Variants in LIMD1 observed in about 807,000 individuals in gnomAD.
LIMD1 encodes the protein LIM domain-containing protein 1.
LIMD1 carries 23 observed loss-of-function variants against 58.4 expected under a neutral mutation model. The ratio of observed to expected loss-of-function variants is 0.39; its 90% CI spans 0.28 to 0.56. The LOEUF (loss-of-function observed/expected upper bound fraction) is 0.56, where lower values mean the gene tolerates loss of function less well. Among genes scored for constraint, LIMD1 ranks in the 20% least tolerant of loss-of-function variants. LIMD1 has a pLI of 0.57. For synonymous variants in LIMD1, 334 were observed against 345.5 expected (o/e 0.97, Z 0.37); for missense variants, 838 against 855.5 (o/e 0.98, Z 0.25).
At chr3:45,654,099 A>G (rs931300881) in intron 2 of LIMD1, among the ~76,000 whole-genome samples, 3 of 152,192 alleles carry the variant, frequency 2.0e-5, no homozygotes, top group Admixed American at 2.0e-4. Flanking sequence ...ATGTTATCTT[A>G]ATTGATTTAA....
At chr3:45,634,597 A>G (rs369937077) in intron 1 of LIMD1, among the ~76,000 whole-genome samples, 2 of 152,224 alleles carry the variant, frequency 1.3e-5, no homozygotes, top group East Asian at 1.9e-4. Flanking sequence ...TACTTTGCAC[A>G]TATTCTCTTA....
At chr3:45,615,205 G>A (rs1237373793) in intron 1 of LIMD1, among the ~76,000 whole-genome samples, 2 of 152,164 alleles carry the variant, frequency 1.3e-5, no homozygotes, top group Admixed American at 6.5e-5. Flanking sequence ...AGGCATTTGT[G>A]GGAAAGTAAC....
At chr3:45,653,842 G>A (rs561137813) in intron 2 of LIMD1, among the ~76,000 whole-genome samples, 5 of 149,786 alleles carry the variant, frequency 3.3e-5, no homozygotes, top group Non-Finnish European at 4.4e-5. Context: ...TCCAGAAGGC[G>A]GAGGTTGCTG....
intron 1 of LIMD1, among the ~76,000 whole-genome samples, chr3:45,605,493 A>G (rs1473584346): frequency 1.3e-5 from 2 of 152,246 alleles, no homozygotes; most frequent in Non-Finnish European, 2.9e-5. Context: ...GTCTGCAGAA[A>G]GTATCCAGTA....
At chr3:45,616,755 G>T in intron 1 of LIMD1, among the ~76,000 whole-genome samples, 1 of 151,260 alleles carries the variant, frequency 6.6e-6, no homozygotes, top group South Asian at 2.1e-4. Flanking sequence ...ATATGAGAAA[G>T]TCTTTTTTTT....
intron 2 of LIMD1, among the ~76,000 whole-genome samples, 172 bp downstream of exon 2, chr3:45,636,423 G>A (rs955614414): frequency 1.3e-5 from 2 of 152,188 alleles, no homozygotes; most frequent in Non-Finnish European, 2.9e-5. Flanking sequence ...ACCAACAGAA[G>A]CCCATCAGGG....
chr3:45,657,179 C>T (rs1369246344), intron 2 of LIMD1, among the ~76,000 whole-genome samples: 1 of 152,162 alleles, frequency 6.6e-6, no homozygotes, highest in African/African-American at 2.4e-5. Context: ...TACCTGGCCT[C>T]AGCCTCCTCT....
intron 2 of LIMD1, among the ~76,000 whole-genome samples, chr3:45,643,902 C>T (rs74588944): frequency 2.2e-4 from 34 of 151,978 alleles, no homozygotes; most frequent in Admixed American, 3.9e-4. Context: ...TTGTATTGCT[C>T]GGTGTAAGAT....
At chr3:45,632,455 T>C in intron 1 of LIMD1, 2 of 936,648 alleles carry the variant, frequency 2.1e-6, no homozygotes, top group Non-Finnish European at 2.5e-6. Context: ...ACTCTGTCTG[T>C]GGCTGGGGGT....
intron 2 of LIMD1, among the ~76,000 whole-genome samples, chr3:45,646,270 C>T (rs1429563579): frequency 6.6e-6 from 1 of 152,224 alleles, no homozygotes. Context: ...TGGCCTTCAC[C>T]CCTCACTGTG....
chr3:45,595,083 G>C lies in LIMD1; in HGVS notation c.204G>C (p.Glu68Asp). 1 of 1,613,462 alleles carries C rather than the reference G, an allele frequency of 6.2e-7. No homozygotes were observed. The highest frequency in any genetic ancestry group is 8.5e-7 in the Non-Finnish European group (1 of 1,179,912). The part of the protein sequence containing the change: ...QQQQQQLLQE[E>D]TLPRGSRGPV... ...AGCAGCAGCAGCTCCTGCAGGAGGA[G>C]ACTCTGCCCAGGGGGAGTAGAGGCC... The change falls in exon 1 of 8, where the codon GAG becomes GAC. Residue 68 changes from glutamate (E) to aspartate (D), a missense_variant. This residue lies in a region of LIMD1 where 659 missense variants were observed against 639.8 expected (regional missense o/e 1.03). Transcript: ENST00000273317.
intron 1 of LIMD1, among the ~76,000 whole-genome samples, chr3:45,624,972 G>A (rs913690899): frequency 6.6e-6 from 1 of 151,334 alleles, no homozygotes; most frequent in African/African-American, 2.4e-5. Context: ...CTTTGGGTGT[G>A]CAGAAGATGA....
intron 2 of LIMD1, among the ~76,000 whole-genome samples, chr3:45,662,300 TGC>T (rs1009638985): frequency 2.0e-5 from 3 of 151,520 alleles, no homozygotes; most frequent in South Asian, 2.1e-4. Context: ...TGTGTGTGTG[TGC>T]GCGTGTAAAA....
intron 1 of LIMD1, among the ~76,000 whole-genome samples, chr3:45,597,126 C>T (rs949157758): frequency 5.9e-5 from 9 of 152,058 alleles, no homozygotes; most frequent in African/African-American, 1.2e-4. Context: ...TCCCAAAGTG[C>T]TGGGATTACA....
rs1256905766 is a variant in LIMD1 at position 45,684,394 on chromosome 3, T to C, written c.*7335T>C. ...CGGCAGGAAGCCAGACTCCATGACATACAAATAGATCAAAGTGAATCGGCT... is the reference window on the plus strand; with the variant it reads ...CGGCAGGAAGCCAGACTCCATGACACACAAATAGATCAAAGTGAATCGGCT... On this transcript the variant is annotated 3_prime_UTR_variant, in exon 8 of 8. Transcript: ENST00000273317. 2 of 152,198 alleles carry C rather than the reference T, an allele frequency of 1.3e-5. No homozygotes were observed. The highest frequency in any genetic ancestry group is 2.9e-5 in the Non-Finnish European group (2 of 68,046). The allele number at this position is 152,198 out of a possible 1,614,324, so 9.4% of individuals were successfully genotyped here.
rs1701327137 is a variant in LIMD1 at position 45,594,937 on chromosome 3, A to G, written c.58A>G (p.Met20Val). 8.7e-6 allele frequency: 14 copies of G among 1,613,404 alleles called. No homozygotes were observed. The highest frequency in any genetic ancestry group is 1.1e-5 in the South Asian group (1 of 91,038). The change falls in exon 1 of 8, where the codon ATG becomes GTG. Residue 20 changes from methionine (M) to valine (V), a missense_variant. Met to Val is a conservative substitution (Grantham distance 21, BLOSUM62 1). Coordinates refer to ENST00000273317, the MANE Select transcript of LIMD1 (RefSeq NM_014240.3). ...CAGTAAATTCATCGAGGACCTGAAC[A>G]TGTATGAGGCCTCTAAGGATGGGCT... ...EASKFIEDLNMYEASKDGLFR... is the reference protein window; with the variant it reads ...EASKFIEDLNVYEASKDGLFR...
intron 1 of LIMD1, among the ~76,000 whole-genome samples, chr3:45,603,995 A>C (rs200806821): frequency 4.4e-5 from 4 of 90,326 alleles, no homozygotes; most frequent in Non-Finnish European, 1.1e-4. Flanking sequence ...AGTCACCACC[A>C]AGTGTCCAAG....
chr3:45,660,631 G>T (rs749628870), intron 2 of LIMD1, among the ~76,000 whole-genome samples: 1 of 152,040 alleles, frequency 6.6e-6, no homozygotes, highest in Non-Finnish European at 1.5e-5. Context: ...GGCCAGGCTG[G>T]TCTCGAACTC....
chr3:45,650,446 C>A (rs1701956075), intron 2 of LIMD1, among the ~76,000 whole-genome samples: 1 of 152,066 alleles, frequency 6.6e-6, no homozygotes, highest in South Asian at 2.1e-4. Context: ...ATAAACTCAT[C>A]ATTTACATTA....
Sources: allele counts gnomAD v4.1 joint callset (sites outside exome capture counted in the v4.1 genomes callset), GRCh38; gene constraint gnomAD v4.1.1; regional missense constraint gnomAD v4.1.1; transcripts MANE v1.5; gene names NCBI Gene and HGNC (gene_info 2026-07-23, HGNC 2026-07-21).